KLHL4: variants seen among roughly 807,000 people sequenced by gnomAD.
KLHL4 encodes the protein kelch-like protein 4.
KLHL4 carries 17 observed loss-of-function variants against 45.8 expected under a neutral mutation model. The observed-to-expected ratio is 0.37, with a 90% confidence interval of 0.25 to 0.56. The LOEUF (loss-of-function observed/expected upper bound fraction) is 0.56. Among genes scored for constraint, KLHL4 ranks in the 20% least tolerant of loss-of-function variants. KLHL4 has a pLI of 0.79. For synonymous variants in KLHL4, 224 were observed against 189.9 expected, an observed-to-expected ratio of 1.18 and a Z score of -1.47; for missense variants, 544 against 544.9, an observed-to-expected ratio of 1.00 and a Z score of 0.02.
At chrX:87,612,554 A>G (rs759382346) in intron 1 of KLHL4, among the ~76,000 whole-genome samples, 1 of 111,811 alleles carries the variant, frequency 8.9e-6, no homozygotes, top group Non-Finnish European at 1.9e-5. Context: ...CATTTCTCAG[A>G]TGTATCTCTG....
chrX:87,616,911 T>C (rs763001829), intron 3 of KLHL4, among the ~76,000 whole-genome samples: 133 of 111,381 alleles, frequency 1.2e-3, no homozygotes, highest in African/African-American at 4.2e-3. Flanking sequence ...GACCTCACAA[T>C]ATGTATTACC....
chrX:87,615,141 C>T (rs1314370777), intron 3 of KLHL4, among the ~76,000 whole-genome samples: 1 of 111,140 alleles, frequency 9.0e-6, no homozygotes, highest in African/African-American at 3.3e-5. Context: ...AGACTAAAAG[C>T]TTACCTCCTG....
intron 1 of KLHL4, among the ~76,000 whole-genome samples, chrX:87,592,604 T>A (rs1319587626): frequency 8.9e-6 from 1 of 111,782 alleles, no homozygotes; most frequent in Non-Finnish European, 1.9e-5. Context: ...TCTCAAATGA[T>A]CAATGATTTT....
At chrX:87,554,268 G>C (rs1931911622) in intron 1 of KLHL4, among the ~76,000 whole-genome samples, 1 of 87,602 alleles carries the variant, frequency 1.1e-5, no homozygotes, top group Non-Finnish European at 2.2e-5. Flanking sequence ...GTCATTGGTA[G>C]CTTGATGGTG....
intron 1 of KLHL4, among the ~76,000 whole-genome samples, chrX:87,580,792 A>T (rs1262447900): frequency 8.9e-6 from 1 of 112,362 alleles, no homozygotes; most frequent in South Asian, 3.7e-4. Flanking sequence ...GAAATAATTG[A>T]TTGAATATCC....
At chrX:87,558,269 T>C (rs1482458628) in intron 1 of KLHL4, among the ~76,000 whole-genome samples, 1 of 111,284 alleles carries the variant, frequency 9.0e-6, no homozygotes, top group Non-Finnish European at 1.9e-5. Flanking sequence ...GTTTAACCTC[T>C]TTAAGCCTCA....
At chrX:87,659,497 T>C (rs1569364456) in intron 9 of KLHL4, among the ~76,000 whole-genome samples, 2 of 111,783 alleles carry the variant, frequency 1.8e-5, no homozygotes, top group Non-Finnish European at 3.8e-5. Flanking sequence ...TTCTTACTTC[T>C]GTTTCTTGAG....
At chrX:87,598,762 G>C (rs916428743) in intron 1 of KLHL4, among the ~76,000 whole-genome samples, 1 of 110,956 alleles carries the variant, frequency 9.0e-6, no homozygotes, top group African/African-American at 3.3e-5. Context: ...AATTTTCCCT[G>C]TTATAAGGAT....
chrX:87,522,316 G>A (rs1239370220), intron 1 of KLHL4, among the ~76,000 whole-genome samples: 1 of 111,535 alleles, frequency 9.0e-6, no homozygotes, highest in Non-Finnish European at 1.9e-5. Flanking sequence ...AATGACTTTG[G>A]AAAGGTAACA....
At chrX:87,615,494 G>A (rs1266484958) in intron 3 of KLHL4, among the ~76,000 whole-genome samples, 1 of 110,834 alleles carries the variant, frequency 9.0e-6, no homozygotes, top group Non-Finnish European at 1.9e-5. Context: ...ATATACCCAA[G>A]AGTTAAAAAC....
intron 1 of KLHL4, among the ~76,000 whole-genome samples, chrX:87,555,084 G>A (rs1931939393): frequency 1.0e-5 from 1 of 97,981 alleles, no homozygotes; most frequent in African/African-American, 3.8e-5. Flanking sequence ...GATAATGGTG[G>A]ATAAGCTTTT....
At chrX:87,644,693 G>T (rs932815276) in intron 9 of KLHL4, among the ~76,000 whole-genome samples, 1 of 111,813 alleles carries the variant, frequency 8.9e-6, no homozygotes, top group Non-Finnish European at 1.9e-5. Context: ...CATGGTACTG[G>T]TGTAAAAATA....
chrX:87,522,611 A>C (rs1348307375), intron 1 of KLHL4, among the ~76,000 whole-genome samples: 1 of 112,292 alleles, frequency 8.9e-6, no homozygotes, highest in Non-Finnish European at 1.9e-5. Flanking sequence ...AGAGACTTTT[A>C]TGTCAAATGA....
At chrX:87,629,548 T>C (rs2147822415) in intron 6 of KLHL4, among the ~76,000 whole-genome samples, 1 of 111,579 alleles carries the variant, frequency 9.0e-6, no homozygotes, top group African/African-American at 3.2e-5. Context: ...GTGTAAATCT[T>C]CTACATACAG....
intron 1 of KLHL4, among the ~76,000 whole-genome samples, chrX:87,525,870 T>A (rs1229968407): frequency 3.6e-5 from 4 of 111,578 alleles, no homozygotes; most frequent in African/African-American, 1.3e-4. Flanking sequence ...TCACTATTAG[T>A]CACTATGACT....
At chrX:87,597,132 A>C (rs1921862945) in intron 1 of KLHL4, among the ~76,000 whole-genome samples, 1 of 111,978 alleles carries the variant, frequency 8.9e-6, no homozygotes, top group Admixed American at 9.5e-5. Context: ...CATTCTGCAC[A>C]GCCTGTTTAC....
intron 1 of KLHL4, among the ~76,000 whole-genome samples, chrX:87,528,214 G>A (rs1410155886): frequency 9.0e-6 from 1 of 111,605 alleles, no homozygotes; most frequent in Non-Finnish European, 1.9e-5. Flanking sequence ...AAAGAATTAA[G>A]CAGAAATTTT....
chrX:87,566,829 C>A (rs1307965739), intron 1 of KLHL4, among the ~76,000 whole-genome samples: 1 of 111,097 alleles, frequency 9.0e-6, no homozygotes, highest in Non-Finnish European at 1.9e-5. Context: ...GAAAAAAGAT[C>A]ATTACAATCT....
At position 87,613,953 on chromosome X, in the gene KLHL4, C is replaced by G; in HGVS notation, c.499C>G (p.Gln167Glu). The part of the protein sequence containing the change: ...EQFHVINHAE[Q>E]TLRKMENYLK... Reference sequence around the variant, plus strand: ...GTTCCATGTTATAAACCACGCAGAGCAAACTCTTCGTAAAATGGAGAACTA... The same window carrying G: ...GTTCCATGTTATAAACCACGCAGAGGAAACTCTTCGTAAAATGGAGAACTA... The change falls in exon 2 of 11, where the codon CAA becomes GAA. Residue 167 changes from glutamine (Q) to glutamate (E), a missense_variant. Transcript: ENST00000373119. 1 of 1,204,634 alleles carries G rather than the reference C, an allele frequency of 8.3e-7. No individual in the cohort carries two copies. Among genetic ancestry groups the G allele is most frequent in the Non-Finnish European group, 1.1e-6 (1 of 889,886 alleles).
Sources: gnomAD v4.1 joint callset for allele counts (sites outside exome capture counted in the v4.1 genomes callset) on GRCh38, gnomAD v4.1.1 for gene constraint, MANE v1.5 for transcripts, NCBI Gene and HGNC (gene_info 2026-07-23, HGNC 2026-07-21) for gene names.